PGPEP1L: variants seen among roughly 807,000 people sequenced by gnomAD.
PGPEP1L encodes pyroglutamyl-peptidase I like.
PGPEP1L carries 7 observed loss-of-function variants against 6.0 expected under a neutral mutation model. The ratio of observed to expected loss-of-function variants is 1.17; its 90% CI spans 0.66 to 2.19. The LOEUF (loss-of-function observed/expected upper bound fraction) is 2.19, where lower values mean the gene tolerates loss of function less well. Ranked by LOEUF, PGPEP1L falls within the 30% of genes most tolerant of loss-of-function variation. PGPEP1L has a pLI of 0.00. For missense variants in PGPEP1L, 209 were observed against 192.5 expected (o/e 1.09, Z -0.51); for synonymous variants, 103 against 83.9 (o/e 1.23, Z -1.24).
At chr15:98,991,061 A>G (rs2017813314) in intron 2 of PGPEP1L, among the ~76,000 whole-genome samples, 1 of 152,218 alleles carries the variant, frequency 6.6e-6, no homozygotes, top group African/African-American at 2.4e-5. Flanking sequence ...GAACTAGGGA[A>G]GCAAGAACAA....
At chr15:98,982,112 AAT>A (rs769331706) in intron 2 of PGPEP1L, among the ~76,000 whole-genome samples, 3 of 152,238 alleles carry the variant, frequency 2.0e-5, no homozygotes, top group African/African-American at 7.2e-5. Context: ...AAGCAGAAAA[AAT>A]ATGTTTCCTT....
chr15:99,001,158 A>C (rs570311974), intron 2 of PGPEP1L: 17 of 446,794 alleles, frequency 3.8e-5, no homozygotes, highest in Middle Eastern at 3.3e-4. Context: ...AACTCTGGAC[A>C]CGCCGCCTTT....
chr15:98,993,605 C>T (rs1379284217), intron 2 of PGPEP1L, among the ~76,000 whole-genome samples: 1 of 127,310 alleles, frequency 7.9e-6, no homozygotes, highest in Non-Finnish European at 1.6e-5. Flanking sequence ...CTCACTCATA[C>T]TGGGAGTTAA....
At chr15:98,970,627 G>A (rs1567233882) in intron 3 of PGPEP1L, among the ~76,000 whole-genome samples, 1 of 151,964 alleles carries the variant, frequency 6.6e-6, no homozygotes, top group South Asian at 2.1e-4. Context: ...CTATGAAGAT[G>A]GGCCTCCCCT....
chr15:98,979,630 A>ATTTTTTTTTTTTTTTTTT (rs1882033817), intron 2 of PGPEP1L, among the ~76,000 whole-genome samples: 1 of 105,926 alleles, frequency 9.4e-6, no homozygotes, highest in African/African-American at 3.8e-5. Flanking sequence ...ATTGGAGACT[A>ATTTTTTTTTTTTTTTTTT]TTCTTTTTTT....
At chr15:98,985,131 G>A (rs562704850) in intron 2 of PGPEP1L, among the ~76,000 whole-genome samples, 2 of 152,276 alleles carry the variant, frequency 1.3e-5, no homozygotes, top group African/African-American at 2.4e-5. Flanking sequence ...ATGAACTCAC[G>A]GCACAGGGAC....
chr15:98,991,208 T>A (rs2017815313), intron 2 of PGPEP1L, among the ~76,000 whole-genome samples: 1 of 151,522 alleles, frequency 6.6e-6, no homozygotes, highest in Admixed American at 6.6e-5. Context: ...ATAGATAATA[T>A]GCTAGCCAGA....
rs11385185 is a variant in PGPEP1L, at chr15:98,977,003, C to CAAAA, written c.-141-5849_-141-5846dup. Among the ~76,000 whole-genome samples, 316 of 128,936 alleles carry CAAAA rather than the reference C, an allele frequency of 2.5e-3. 3 individuals are homozygous for CAAAA. The highest frequency in any genetic ancestry group is 8.1e-3 in the African/African-American group (275 of 34,156). The allele number at this position is 128,936 out of a possible 152,430, so 84.6% of individuals were successfully genotyped here. A position where few individuals can be genotyped will look rare whatever the true frequency, so the allele number is the denominator to read the frequency against. Reference sequence around the variant, plus strand: ...ACCCTAGAGAGGTCAAGTAAAATGGCAAAAAAAAAAAAAAAAAAACAAGTC... The same window carrying CAAAA: ...ACCCTAGAGAGGTCAAGTAAAATGGCAAAAAAAAAAAAAAAAAAAAAAACAAGTC... On this transcript the variant is annotated intron_variant, in intron 2 of 4. Coordinates refer to ENST00000535714, the MANE Select transcript of PGPEP1L (RefSeq NM_001167902.2).
At chr15:98,979,292 CCTGT>C (rs2017620162) in intron 2 of PGPEP1L, among the ~76,000 whole-genome samples, 1 of 151,488 alleles carries the variant, frequency 6.6e-6, no homozygotes, top group Admixed American at 6.6e-5. Context: ...GATGCAGCTG[CCTGT>C]GAGATTCATC....
intron 3 of PGPEP1L, among the ~76,000 whole-genome samples, chr15:98,969,861 A>G (rs1410793544): frequency 6.6e-6 from 1 of 152,166 alleles, no homozygotes; most frequent in African/African-American, 2.4e-5. Flanking sequence ...TTAGCTGAAT[A>G]AAAACTCATG....
chr15:98,995,898 G>C (rs2017880889), intron 2 of PGPEP1L, among the ~76,000 whole-genome samples: 1 of 152,064 alleles, frequency 6.6e-6, no homozygotes, highest in African/African-American at 2.4e-5. Context: ...GCTTAATCTG[G>C]ACAATCATGT....
At chr15:98,991,112 A>G (rs1555472004) in intron 2 of PGPEP1L, among the ~76,000 whole-genome samples, 1 of 152,174 alleles carries the variant, frequency 6.6e-6, no homozygotes, top group African/African-American at 2.4e-5. Flanking sequence ...CTAAGATCAG[A>G]GTAGAATTGA....
intron 2 of PGPEP1L, among the ~76,000 whole-genome samples, chr15:98,985,840 GAATT>G (rs1467502848): frequency 1.3e-5 from 2 of 152,228 alleles, no homozygotes; most frequent in African/African-American, 2.4e-5. Context: ...GTCATTTTGA[GAATT>G]TATTCCAGCT....
At chr15:98,980,793 G>A (rs142354201) in intron 2 of PGPEP1L, among the ~76,000 whole-genome samples, 4,410 of 152,196 alleles carry the variant, frequency 0.029, 90 homozygotes, top group Non-Finnish European at 0.044. Context: ...TTAGCCAGGC[G>A]TGGTGGCATG....
chr15:98,969,391 A>G, intron 4 of PGPEP1L, 34 bp downstream of exon 4: 5 of 1,611,084 alleles, frequency 3.1e-6, no homozygotes, highest in Non-Finnish European at 4.2e-6. Flanking sequence ...CTTCTCTCCT[A>G]CCTGCTCAGA....
chr15:98,969,288 G>T, intron 4 of PGPEP1L, 137 bp downstream of exon 4: 1 of 1,053,210 alleles, frequency 9.5e-7, no homozygotes, highest in Non-Finnish European at 1.4e-6. Context: ...ACAGCAAAGA[G>T]GGGCAATCTG....
intron 2 of PGPEP1L, among the ~76,000 whole-genome samples, chr15:99,001,837 C>T (rs2151766793): frequency 6.6e-6 from 1 of 152,262 alleles, no homozygotes; most frequent in East Asian, 1.9e-4. Flanking sequence ...CCTGCCTCAG[C>T]CTCCTAAGTA....
Position 98,968,353 on chromosome 15 carries a change from G to T in PGPEP1L, c.*125C>A. The T allele has an allele frequency of 1.1e-6, 1 of 920,810 alleles. No homozygotes were observed. The highest frequency in any genetic ancestry group is 1.7e-6 in the Non-Finnish European group (1 of 605,152). 57.0% of individuals were successfully genotyped at this position (920,810 alleles called of 1,614,324 possible). On this transcript the variant is annotated 3_prime_UTR_variant, in exon 5 of 5. Coordinates refer to ENST00000535714, the MANE Select transcript of PGPEP1L (RefSeq NM_001167902.2). ...AAATAACCCTTTGTGATTTTGTTGG[G>T]CTAATTCAGAGTTTTCCACCCTCTT...
In PGPEP1L at chr15:99,007,600, T is replaced by C. The variant is rs1371786448; in HGVS notation, c.-611A>G. On this transcript the variant is annotated 5_prime_UTR_variant, in exon 1 of 5. Coordinates refer to ENST00000535714, the MANE Select transcript of PGPEP1L (RefSeq NM_001167902.2). ...GTGCTACGGCTCTTAAGGTGGCGTG[T>C]TTGGAGTTATTCGTTTCTCCCGGTG... 6.6e-6 allele frequency: 1 copy of C among 152,002 alleles called. No individual in the cohort carries two copies. Among genetic ancestry groups the C allele is most frequent in the African/African-American group, 2.4e-5 (1 of 41,416 alleles). 9.4% of individuals were successfully genotyped at this position (152,002 alleles called of 1,614,324 possible).
Sources: gnomAD v4.1 joint callset for allele counts (sites outside exome capture counted in the v4.1 genomes callset) on GRCh38, gnomAD v4.1.1 for gene constraint, MANE v1.5 for transcripts, NCBI Gene and HGNC (gene_info 2026-07-23, HGNC 2026-07-21) for gene names.